The following DIAPH1 variants were observed in gnomAD, a reference collection of about 807,000 sequenced individuals.
The protein encoded by DIAPH1 is protein diaphanous homolog 1.
A neutral mutation model predicts 140.7 loss-of-function variants in DIAPH1; 46 were observed. The ratio of observed to expected loss-of-function variants is 0.33; its 90% CI spans 0.26 to 0.42. The LOEUF is 0.42. Among genes scored for constraint, DIAPH1 ranks in the 10% least tolerant of loss-of-function variants. The pLI is 1.00. For synonymous variants in DIAPH1, 565 were observed against 551.6 expected (o/e 1.02, Z -0.34); for missense variants, 1,310 against 1,558.7 (o/e 0.84, Z 2.69).
intron 1 of DIAPH1, among the ~76,000 whole-genome samples, chr5:141,594,340 T>C (rs1445487206): frequency 1.3e-5 from 2 of 152,226 alleles, no homozygotes; most frequent in South Asian, 2.1e-4. Context: ...CATCCTTTAG[T>C]AGGTGAACAG....
chr5:141,518,970 C>T (rs368732782), intron 27 of DIAPH1: 1 of 1,550,704 alleles, frequency 6.4e-7, no homozygotes, highest in South Asian at 1.2e-5. Context: ...TCCTCCTCCT[C>T]TACTTCCCAG....
intron 18 of DIAPH1, among the ~76,000 whole-genome samples, chr5:141,558,695 T>TA (rs2099893034): frequency 6.6e-6 from 1 of 152,084 alleles, no homozygotes; most frequent in African/African-American, 2.4e-5. Context: ...ATCTTTATCT[T>TA]ACGCTACACC....
rs760784874 is a variant in DIAPH1, at chr5:141,587,035, A to G, written c.300+7T>C. 13 of 1,613,982 alleles carry G rather than the reference A, an allele frequency of 8.1e-6. No homozygotes were observed. Among genetic ancestry groups the G allele is most frequent in the Admixed American group, 1.7e-5 (1 of 60,006 alleles). On this transcript the variant is annotated splice_region_variant and intron_variant, in intron 3 of 27. Coordinates refer to ENST00000389054, the MANE Select transcript of DIAPH1 (RefSeq NM_005219.5). Reference sequence around the variant, plus strand: ...AAGAAGCAACATTTTGGGAATGGGAAACTTACCAGCATCTGTTCAAAGAGA... The same window carrying G: ...AAGAAGCAACATTTTGGGAATGGGAGACTTACCAGCATCTGTTCAAAGAGA...
chr5:141,519,673 A>G (rs1288769808), intron 27 of DIAPH1, among the ~76,000 whole-genome samples: 2 of 152,326 alleles, frequency 1.3e-5, no homozygotes, highest in East Asian at 3.9e-4. Flanking sequence ...AGAAGATCAA[A>G]ATTTCCCTTT....
intron 3 of DIAPH1, 136 bp downstream of exon 3, chr5:141,586,906 G>A (rs149843974): frequency 2.3e-6 from 2 of 880,788 alleles, no homozygotes; most frequent in African/African-American, 1.7e-5. Flanking sequence ...GGATTAAAGG[G>A]TTAATATTAA....
At chr5:141,543,103 G>C (rs991767243) in intron 18 of DIAPH1, among the ~76,000 whole-genome samples, 2 of 151,424 alleles carry the variant, frequency 1.3e-5, no homozygotes, top group Non-Finnish European at 2.9e-5. Flanking sequence ...AATGTTCATA[G>C]TAGCATTATT....
intron 3 of DIAPH1, among the ~76,000 whole-genome samples, chr5:141,584,568 G>A (rs2099897245): frequency 6.6e-6 from 1 of 152,172 alleles, no homozygotes; most frequent in Non-Finnish European, 1.5e-5. Context: ...TCTTCAGACT[G>A]AAGCACTGGA....
rs1299581296 is a variant in DIAPH1, at chr5:141,525,651, A to G, written c.3574+387T>C. ...AAGCAGAAAGGGAAGACACGCCACA[A>G]TTAAAAGATGGGAGGAGCGTCAGGA... is the stretch of plus-strand genomic sequence containing the variant. On this transcript the variant is annotated intron_variant, in intron 26 of 27. Coordinates refer to ENST00000389054, the MANE Select transcript of DIAPH1 (RefSeq NM_005219.5). 2.0e-5 allele frequency among the ~76,000 whole-genome samples: 3 copies of G among 152,208 alleles called. No individual in the cohort carries two copies. In the East Asian group the frequency reaches 5.8e-4, roughly 29 times the overall value.
intron 1 of DIAPH1, among the ~76,000 whole-genome samples, chr5:141,602,160 G>A (rs2099900241): frequency 6.6e-6 from 1 of 152,120 alleles, no homozygotes; most frequent in Non-Finnish European, 1.5e-5. Flanking sequence ...GCAACAGAGG[G>A]TCATAATAGG....
chr5:141,612,791 A>G (rs1251983310), intron 1 of DIAPH1, among the ~76,000 whole-genome samples: 2 of 152,178 alleles, frequency 1.3e-5, no homozygotes, highest in Admixed American at 6.5e-5. Flanking sequence ...AAAAATAGAG[A>G]TGAAGGGTAT....
chr5:141,576,240 A>G lies in DIAPH1; in HGVS notation c.1451T>C (p.Leu484Pro). 1 of 1,613,462 alleles carries G rather than the reference A, an allele frequency of 6.2e-7. No individual in the cohort carries two copies. Among genetic ancestry groups the G allele is most frequent in the Non-Finnish European group, 8.5e-7 (1 of 1,179,342 alleles). ...GTCTCTCATATGCACCTTCTTTTCC[A>G]GCTCTGCAGCTTTGGCTTCAGATTT... is the stretch of plus-strand genomic sequence containing the variant. ...VEKSEAKAAELEKKLDSELTA... is the reference protein window; with the variant it reads ...VEKSEAKAAEPEKKLDSELTA... The change falls in exon 14 of 28, where the codon CTG becomes CCG. Residue 484 changes from leucine to proline, a missense_variant. Coordinates refer to ENST00000389054, the MANE Select transcript of DIAPH1 (RefSeq NM_005219.5).
chr5:141,537,244 G>T (rs957103708), intron 18 of DIAPH1, among the ~76,000 whole-genome samples: 3 of 152,040 alleles, frequency 2.0e-5, no homozygotes, highest in African/African-American at 7.2e-5. Flanking sequence ...AGCACTTTGG[G>T]AGGCTGAGGC....
At chr5:141,517,915 A>G (rs776132974) in intron 27 of DIAPH1, among the ~76,000 whole-genome samples, 10 of 152,192 alleles carry the variant, frequency 6.6e-5, no homozygotes, top group African/African-American at 1.2e-4. Context: ...TGGCCCCAGT[A>G]TCTGCAGCAG....
intron 18 of DIAPH1, among the ~76,000 whole-genome samples, chr5:141,556,782 C>G (rs2099892659): frequency 6.6e-6 from 1 of 152,206 alleles, no homozygotes; most frequent in South Asian, 2.1e-4. Flanking sequence ...ACCTCCGCCT[C>G]CCGGGTTCAA....
intron 18 of DIAPH1, among the ~76,000 whole-genome samples, chr5:141,537,812 TA>T (rs2099889289): frequency 6.6e-6 from 1 of 152,070 alleles, no homozygotes; most frequent in Non-Finnish European, 1.5e-5. Context: ...ACGTATATTG[TA>T]ATACCTACAA....
chr5:141,561,844 C>G (rs1596368483), intron 18 of DIAPH1: 1 of 152,184 alleles, frequency 6.6e-6, no homozygotes, highest in African/African-American at 2.4e-5. Context: ...TTACAGGACA[C>G]TAAGTTCTAG....
chr5:141,578,694 A>G (rs1190718839), intron 9 of DIAPH1, 69 bp from the exon 10 acceptor site: 2 of 1,214,174 alleles, frequency 1.6e-6, no homozygotes, highest in East Asian at 4.6e-5. Flanking sequence ...TTTTCTTTAC[A>G]TGCATTCTTA....
In DIAPH1 at chr5:141,527,698, C is replaced by CCAAAA; in HGVS notation, c.3149-2_3149-1insTTTTG. On this transcript the variant is annotated splice_acceptor_variant, in intron 23 of 27. Transcript: ENST00000389054. LOFTEE classifies it high-confidence loss of function. The stretch of plus-strand genomic sequence containing the variant: ...TTCTTTTGCAAGTTTTCAGCAGAAA[C>CCAAAA]TAAAAAAAAAAAAAAAAAAAAAAAC... The CCAAAA allele has an allele frequency of 2.7e-6, 1 of 371,292 alleles. No homozygotes were observed. The highest frequency in any genetic ancestry group is 6.5e-5 in the South Asian group (1 of 15,304). The allele number at this position is 371,292 out of a possible 1,614,324, so 23.0% of individuals were successfully genotyped here.
chr5:141,571,428 C>T lies in DIAPH1; in HGVS notation c.2482G>A (p.Ala828Thr), dbSNP rs1357642481. The change falls in exon 18 of 28, where the codon GCC (alanine) becomes ACC (threonine). Residue 828 changes from alanine (A) to threonine (T), a missense_variant and splice_region_variant. Ala to Thr is a moderately conservative substitution (Grantham distance 58, BLOSUM62 0). This residue lies in a region of DIAPH1 where 589 missense variants were observed against 549.3 expected (regional missense o/e 1.07). Transcript: ENST00000389054. ...CTAAAAGGCTCTTTTGTATTCTTAC[C>T]TTTGGAAGCTTCAGGAGCAAAGTGC... ...TFSAQTKTSK[A>T]KKDQEGGEEK... 1.2e-6 allele frequency: 2 copies of T among 1,609,700 alleles called. No individual in the cohort carries two copies. Among genetic ancestry groups the T allele is most frequent in the Non-Finnish European group, 1.7e-6 (2 of 1,177,818 alleles).
Sources: allele counts gnomAD v4.1 joint callset (sites outside exome capture counted in the v4.1 genomes callset), GRCh38; gene constraint gnomAD v4.1.1; regional missense constraint gnomAD v4.1.1; transcripts MANE v1.5; gene names NCBI Gene and HGNC (gene_info 2026-07-23, HGNC 2026-07-21).